The following DMC1 variants were observed in gnomAD, a reference collection of about 807,000 sequenced individuals.
DMC1 encodes the protein meiotic recombination protein DMC1 homolog.
A neutral mutation model predicts 50.1 loss-of-function variants in DMC1; 27 were observed. That is an observed-to-expected ratio of 0.54 (90% CI 0.40 to 0.74). The LOEUF (loss-of-function observed/expected upper bound fraction) is 0.74, where lower values mean the gene tolerates loss of function less well. Among genes scored for constraint, DMC1 ranks in the 30% least tolerant of loss-of-function variants. DMC1 has a pLI of 0.00. For missense variants in DMC1, 295 were observed against 420.2 expected (o/e 0.70, Z 2.60); for synonymous variants, 148 against 136.1 (o/e 1.09, Z -0.61).
At chr22:38,568,470 TGTGC>T in intron 1 of DMC1, 181 bp from the exon 2 acceptor site, 1 of 585,688 alleles carries the variant, frequency 1.7e-6, no homozygotes, top group Non-Finnish European at 3.0e-6. Context: ...TGTGTGTGTG[TGTGC>T]ATGTGTGTGT....
chr22:38,521,513 G>A (rs547688374), intron 13 of DMC1, 95 bp downstream of exon 13: 8 of 844,398 alleles, frequency 9.5e-6, no homozygotes, highest in East Asian at 5.8e-5. Context: ...AGACCAGCTC[G>A]GGCAACATGG....
At chr22:38,568,089 T>C (rs961659642) in intron 2 of DMC1, 117 bp downstream of exon 2, 2 of 905,290 alleles carry the variant, frequency 2.2e-6, no homozygotes, top group African/African-American at 3.3e-5. Flanking sequence ...ATATTTGCAA[T>C]ATATAACTAT....
At position 38,537,651 on chromosome 22, in the gene DMC1, T is replaced by C; in HGVS notation, c.777A>G (p.Glu259=). The part of the protein sequence containing the change: ...MLSRLQKISE[E]YNVAVFVTNQ... ...TGGTCACAAAAACAGCCACGTTATA[T>C]TCTGCATCAAGAGATAAAATTTTAA... The change falls in exon 12 of 14, where the codon GAA becomes GAG. Residue 259 remains glutamate (E), a splice_region_variant and synonymous_variant. Transcript: ENST00000216024. The C allele has an allele frequency of 6.2e-7, 1 of 1,613,512 alleles. No individual in the cohort carries two copies. Among genetic ancestry groups the C allele is most frequent in the Non-Finnish European group, 8.5e-7 (1 of 1,179,432 alleles).
At chr22:38,564,733 A>C (rs2090564518) in intron 4 of DMC1, among the ~76,000 whole-genome samples, 1 of 152,226 alleles carries the variant, frequency 6.6e-6, no homozygotes, top group African/African-American at 2.4e-5. Context: ...TTTGGTAATA[A>C]GATTTAATTT....
intron 12 of DMC1, among the ~76,000 whole-genome samples, chr22:38,536,399 T>C (rs1339450728): frequency 6.6e-6 from 1 of 152,170 alleles, no homozygotes; most frequent in Non-Finnish European, 1.5e-5. Context: ...GCAACAAACC[T>C]TTGTTTGATT....
At chr22:38,568,950 T>C (rs2090609621) in intron 1 of DMC1, among the ~76,000 whole-genome samples, 1 of 152,274 alleles carries the variant, frequency 6.6e-6, no homozygotes, top group African/African-American at 2.4e-5. Context: ...CCCAGCACTT[T>C]GGGAGGCCGA....
At chr22:38,550,086 A>T (rs1166489245) in intron 7 of DMC1, 89 bp from the exon 8 acceptor site, 4 of 889,692 alleles carry the variant, frequency 4.5e-6, no homozygotes, top group Non-Finnish European at 5.4e-6. Flanking sequence ...TGCTGTTGCA[A>T]CTCTTTAGTA....
chr22:38,566,274 G>GAA (rs547899560), intron 4 of DMC1, among the ~76,000 whole-genome samples: 3,371 of 67,602 alleles, frequency 0.05, 164 homozygotes, highest in African/African-American at 0.14. Context: ...CTCTGTCTCA[G>GAA]AAAAAAAAAA....
At chr22:38,556,485 A>G (rs1448304366) in intron 5 of DMC1, among the ~76,000 whole-genome samples, 1 of 152,228 alleles carries the variant, frequency 6.6e-6, no homozygotes, top group Admixed American at 6.5e-5. Flanking sequence ...ACATAAACCA[A>G]ATATTATGGA....
intron 6 of DMC1, 50 bp downstream of exon 6, chr22:38,555,307 T>C (rs1667237104): frequency 4.4e-6 from 5 of 1,132,606 alleles, no homozygotes; most frequent in Non-Finnish European, 6.7e-6. Flanking sequence ...TAGATGTGTA[T>C]GTGTGTGTGT....
chr22:38,567,414 G>T (rs143670580), intron 3 of DMC1, among the ~76,000 whole-genome samples, 169 bp downstream of exon 3: 346 of 152,266 alleles, frequency 2.3e-3, no homozygotes, highest in Non-Finnish European at 3.9e-3. Context: ...AGCTGCAGGG[G>T]TGCTACTGAC....
chr22:38,552,437 T>G (rs1355537640), intron 7 of DMC1, among the ~76,000 whole-genome samples: 1 of 152,186 alleles, frequency 6.6e-6, no homozygotes, highest in Non-Finnish European at 1.5e-5. Context: ...CCCATTCAAC[T>G]TCTCTCTATT....
At chr22:38,535,127 G>A (rs549667385) in intron 12 of DMC1, among the ~76,000 whole-genome samples, 33 of 151,498 alleles carry the variant, frequency 2.2e-4, no homozygotes, top group Non-Finnish European at 4.3e-4. Flanking sequence ...GTGAAACCCC[G>A]TCTCTACTAA....
In DMC1 at chr22:38,520,010, A is replaced by G. The variant is rs1377734343; in HGVS notation, c.*10T>C. ...TAAGCACTAAGAAGCAATTTGCATC[A>G]ATTCACCACCTACTCCTTGGCATCC... On this transcript the variant is annotated 3_prime_UTR_variant, in exon 14 of 14. Coordinates refer to ENST00000216024, the MANE Select transcript of DMC1 (RefSeq NM_007068.4). 1 of 1,612,814 alleles carries G rather than the reference A, an allele frequency of 6.2e-7. No homozygotes were observed. Among genetic ancestry groups the G allele is most frequent in the South Asian group, 1.1e-5 (1 of 91,068 alleles).
intron 13 of DMC1, 118 bp from the exon 14 acceptor site, chr22:38,520,207 G>A: frequency 1.2e-6 from 1 of 861,364 alleles, no homozygotes; most frequent in Non-Finnish European, 1.9e-6. Context: ...CTCAGAGTTG[G>A]TACAACCAAA....
chr22:38,538,205 T>C (rs2090237326), intron 11 of DMC1, 90 bp downstream of exon 11: 3 of 1,025,318 alleles, frequency 2.9e-6, no homozygotes, highest in Non-Finnish European at 4.4e-6. Context: ...TAAAAAAAAA[T>C]CGCTGCCTCC....
downstream of DMC1, among the ~76,000 whole-genome samples, chr22:38,514,165 C>T (rs2089960317): frequency 6.6e-6 from 1 of 151,692 alleles, no homozygotes; most frequent in African/African-American, 2.4e-5. Flanking sequence ...GTGTTCAAAC[C>T]AGAGGGATTC....
Position 38,521,573 on chromosome 22 carries a change from AC to A in DMC1, c.953+34del, listed in dbSNP as rs777570318. On this transcript the variant is annotated intron_variant, in intron 13 of 13. Transcript: ENST00000216024. Reference sequence around the variant, plus strand: ...CACACACACACACACACACACACACACACACACACACACACAAAATAAAAAA... The same window carrying A: ...CACACACACACACACACACACACACAACACACACACACACAAAATAAAAAA... The A allele has an allele frequency of 6.5e-4, 829 of 1,268,914 alleles. 9 individuals are homozygous for A. In the African/African-American group the frequency reaches 0.011, roughly 17 times the overall value. 78.6% of individuals were successfully genotyped at this position (1,268,914 alleles called of 1,614,324 possible). A position where few individuals can be genotyped will look rare whatever the true frequency, so the allele number is the denominator to read the frequency against.
At chr22:38,563,087 G>A (rs2090546033) in intron 4 of DMC1, among the ~76,000 whole-genome samples, 1 of 152,110 alleles carries the variant, frequency 6.6e-6, no homozygotes, top group East Asian at 1.9e-4. Context: ...TATAATTATG[G>A]CATAAAGCAG....
Sources: allele counts gnomAD v4.1 joint callset (sites outside exome capture counted in the v4.1 genomes callset), GRCh38; gene constraint gnomAD v4.1.1; transcripts MANE v1.5; gene names NCBI Gene and HGNC (gene_info 2026-07-23, HGNC 2026-07-21).